The following ARID3A variants were observed in gnomAD, a reference collection of about 807,000 sequenced individuals.
The protein encoded by ARID3A is AT-rich interaction domain 3A.
ARID3A carries 11 observed loss-of-function variants against 52.7 expected under a neutral mutation model. The observed-to-expected ratio is 0.21, with a 90% confidence interval of 0.13 to 0.35. The LOEUF (loss-of-function observed/expected upper bound fraction) is 0.35, where lower values mean the gene tolerates loss of function less well. Among genes scored for constraint, ARID3A ranks in the 10% least tolerant of loss-of-function variants. The pLI, the probability that ARID3A is intolerant of heterozygous loss-of-function variation, is 1.00. For missense variants in ARID3A, 721 were observed against 838.5 expected (o/e 0.86, Z 1.73); for synonymous variants, 404 against 359.4 (o/e 1.12, Z -1.40).
chr19:967,512 T>C (rs1327228193), intron 7 of ARID3A, among the ~76,000 whole-genome samples: 2 of 152,136 alleles, frequency 1.3e-5, no homozygotes, highest in Non-Finnish European at 2.9e-5. Flanking sequence ...TGAGCCATGA[T>C]TGCACCACTG....
At chr19:956,258 G>A (rs533667939) in intron 3 of ARID3A, among the ~76,000 whole-genome samples, 8 of 152,040 alleles carry the variant, frequency 5.3e-5, no homozygotes, top group South Asian at 4.2e-4. Context: ...CCCCCTCTCC[G>A]CCCTGTCCCC....
chr19:932,565 G>A lies in ARID3A; in HGVS notation c.516G>A (p.Leu172=), dbSNP rs1347676833. The change falls in exon 3 of 9, where the codon CTG becomes CTA. Residue 172 remains leucine, a synonymous_variant. Transcript: ENST00000263620. Reference sequence around the variant, plus strand: ...CTGCCAGCTTGGGCACCACGGCACTGTTCCCCCGAAAGGCCCAGCCACCCC... The same window carrying A: ...CTGCCAGCTTGGGCACCACGGCACTATTCCCCCGAAAGGCCCAGCCACCCC... ...PGPASLGTTA[L]FPRKAQPPQA... The A allele has an allele frequency of 6.6e-7, 1 of 1,505,938 alleles. No homozygotes were observed. Among genetic ancestry groups the A allele is most frequent in the East Asian group, 2.5e-5 (1 of 39,342 alleles). 93.3% of individuals were successfully genotyped at this position (1,505,938 alleles called of 1,614,324 possible).
intron 4 of ARID3A, among the ~76,000 whole-genome samples, chr19:962,926 C>T (rs985089339): frequency 2.0e-5 from 3 of 152,184 alleles, no homozygotes; most frequent in African/African-American, 4.8e-5. Flanking sequence ...TGAAACCCGG[C>T]GCGGCTCCTC....
Position 974,017 on chromosome 19 carries a change from G to A in ARID3A, c.*1952G>A, listed in dbSNP as rs939983178. ...ATTAACTCAGCTATTCCCAGGGTAA[G>A]CCTGGGTCTCTAATTGGGCCCTGGG... is the stretch of plus-strand genomic sequence containing the variant. On this transcript the variant is annotated 3_prime_UTR_variant, in exon 9 of 9. Transcript: ENST00000263620. 7.0e-5 allele frequency: 16 copies of A among 228,314 alleles called. No homozygotes were observed. The highest frequency in any genetic ancestry group is 1.2e-4 in the Non-Finnish European group (14 of 115,080). The allele number at this position is 228,314 out of a possible 1,614,324, so 14.1% of individuals were successfully genotyped here.
chr19:932,574 A>G lies in ARID3A; in HGVS notation c.525A>G (p.Arg175=), dbSNP rs746236290. The change falls in exon 3 of 9, where the codon CGA becomes CGG. Residue 175 remains arginine (R), a synonymous_variant. Coordinates refer to ENST00000263620, the MANE Select transcript of ARID3A (RefSeq NM_005224.3). ...TGGGCACCACGGCACTGTTCCCCCGAAAGGCCCAGCCACCCCAGGCCTTCC... is the reference window on the plus strand; with the variant it reads ...TGGGCACCACGGCACTGTTCCCCCGGAAGGCCCAGCCACCCCAGGCCTTCC... ...ASLGTTALFP[R]KAQPPQAFRG... is the part of the protein sequence containing the mutation. The G allele has an allele frequency of 5.3e-4, 794 of 1,503,866 alleles. 3 individuals are homozygous for G. The highest frequency in any genetic ancestry group is 9.6e-4 in the Admixed American group (39 of 40,680). 93.2% of individuals were successfully genotyped at this position (1,503,866 alleles called of 1,614,324 possible). A position where few individuals can be genotyped will look rare whatever the true frequency, so the allele number is the denominator to read the frequency against.
intron 3 of ARID3A, among the ~76,000 whole-genome samples, chr19:946,683 C>T (rs983391431): frequency 2.6e-5 from 4 of 151,974 alleles, no homozygotes; most frequent in Non-Finnish European, 5.9e-5. Flanking sequence ...TCAAGTGATC[C>T]GCCTGCCTCG....
intron 3 of ARID3A, among the ~76,000 whole-genome samples, chr19:937,982 A>G (rs2037471741): frequency 6.6e-6 from 1 of 152,010 alleles, no homozygotes; most frequent in African/African-American, 2.4e-5. Context: ...TGCTGAGATT[A>G]CAGGTGTGAG....
At chr19:927,150 C>G (rs1378479686) in intron 1 of ARID3A, among the ~76,000 whole-genome samples, 1 of 152,128 alleles carries the variant, frequency 6.6e-6, no homozygotes. Context: ...AGGCCCGCGC[C>G]GAGCGGGTGA....
intron 3 of ARID3A, among the ~76,000 whole-genome samples, chr19:933,626 C>CCG (rs1268757495): frequency 6.6e-6 from 1 of 152,056 alleles, no homozygotes; most frequent in Admixed American, 6.6e-5. Flanking sequence ...CTTCCAGAAT[C>CCG]CGCTCTGAGG....
chr19:958,982 C>T (rs145907902), intron 3 of ARID3A, among the ~76,000 whole-genome samples: 1,721 of 152,334 alleles, frequency 0.011, 15 homozygotes, highest in South Asian at 0.024. Flanking sequence ...CCACTGCCTA[C>T]GGGACCCAGG....
intron 8 of ARID3A, among the ~76,000 whole-genome samples, chr19:969,544 C>G (rs145391663): frequency 6.6e-6 from 1 of 151,102 alleles, no homozygotes; most frequent in African/African-American, 2.4e-5. Context: ...CCTTCTCTCT[C>G]TCTATATATC....
At chr19:934,896 C>G (rs898335518) in intron 3 of ARID3A, among the ~76,000 whole-genome samples, 1 of 152,212 alleles carries the variant, frequency 6.6e-6, no homozygotes, top group Non-Finnish European at 1.5e-5. Flanking sequence ...GCCTGAGCCA[C>G]GGTGCCCAGC....
intron 3 of ARID3A, among the ~76,000 whole-genome samples, chr19:954,616 G>A (rs1011770509): frequency 1.3e-5 from 2 of 152,218 alleles, no homozygotes; most frequent in Admixed American, 1.3e-4. Flanking sequence ...GGGGTCCAAG[G>A]GGGGCCGTGA....
At position 964,149 on chromosome 19, in the gene ARID3A, C is replaced by T. The variant is rs2038098508; in HGVS notation, c.767-99C>T. On this transcript the variant is annotated intron_variant, in intron 4 of 8. Coordinates refer to ENST00000263620, the MANE Select transcript of ARID3A (RefSeq NM_005224.3). This position sits in a 1 kb window ranked among gnomAD's most constrained non-coding sequence, Gnocchi z 5.7. ...ACATCTGTGGTTGTCACAGCCTGGG[C>T]GGGGGAGTGCTCCTGGCATGGAGAG... 6.2e-6 allele frequency: 6 copies of T among 968,788 alleles called. No individual in the cohort carries two copies. The South Asian group carries it at 6.3e-5, about 10-fold the overall frequency. 60.0% of individuals were successfully genotyped at this position (968,788 alleles called of 1,614,324 possible). A position where few individuals can be genotyped will look rare whatever the true frequency, so the allele number is the denominator to read the frequency against.
rs114634977 is a variant in ARID3A at position 964,589 on chromosome 19, A to T, written c.950+158A>T. ...GGCCACACCGTGCGTCCAGGGCCCG[A>T]GAGCGTCAAGTAGGGGTGCGAGGAC... On this transcript the variant is annotated intron_variant, in intron 5 of 8. Transcript: ENST00000263620. This position sits in a 1 kb window ranked among gnomAD's most constrained non-coding sequence, Gnocchi z 5.7. Among the ~76,000 whole-genome samples, 3,709 of 152,248 alleles carry T rather than the reference A, an allele frequency of 0.024. 154 individuals carry two copies. The highest frequency in any genetic ancestry group is 0.084 in the African/African-American group (3,501 of 41,538).
In ARID3A at chr19:938,907, CAT is replaced by C. The variant is rs1415301525; in HGVS notation, c.693+6167_693+6168del. Among the ~76,000 whole-genome samples, 13 of 149,790 alleles carry C rather than the reference CAT, an allele frequency of 8.7e-5. No individual in the cohort carries two copies. Among genetic ancestry groups the C allele is most frequent in the Admixed American group, 1.3e-4 (2 of 15,030 alleles). On this transcript the variant is annotated intron_variant, in intron 3 of 8. Coordinates refer to ENST00000263620, the MANE Select transcript of ARID3A (RefSeq NM_005224.3). The surrounding 1 kb of genome is among the most constrained non-coding windows in gnomAD (Gnocchi z 4.0). ...GTTTTTTTTAATTGTGGAAAATACA[CAT>C]AGATACATTATTTTATCTCTCTTTT...
chr19:925,982 G>C (rs1300875169), upstream of ARID3A: 1 of 151,476 alleles, frequency 6.6e-6, no homozygotes, highest in East Asian at 1.9e-4. Flanking sequence ...GGAGGGGCGG[G>C]GCGGGGGCCG....
intron 1 of ARID3A, among the ~76,000 whole-genome samples, chr19:927,547 C>T (rs996565868): frequency 2.0e-5 from 3 of 151,878 alleles, no homozygotes; most frequent in African/African-American, 4.8e-5. Flanking sequence ...TGGCCTCTTC[C>T]TTCTGTGCCC....
rs756824343 is a variant in ARID3A at position 929,791 on chromosome 19, C to CGGA, written c.273_275dup (p.Glu91dup). The CGGA allele has an allele frequency of 1.0e-5, 16 of 1,549,216 alleles. No homozygotes were observed. Among genetic ancestry groups the CGGA allele is most frequent in the South Asian group, 2.4e-5 (2 of 84,556 alleles). On this transcript the variant is annotated inframe_insertion, in exon 2 of 9. Transcript: ENST00000263620. The surrounding 1 kb of genome is among the most constrained non-coding windows in gnomAD (Gnocchi z 6.2). The stretch of plus-strand genomic sequence containing the variant: ...GGCTCTGAGGATGGGCCCCCAGGCT[C>CGGA]GGAGGAGGAGGACGCGGCCCGGGAG...
Sources: gnomAD v4.1 joint callset for allele counts (sites outside exome capture counted in the v4.1 genomes callset) on GRCh38, gnomAD v4.1.1 for gene constraint, Gnocchi (gnomAD v3.1) non-coding constraint, MANE v1.5 for transcripts, NCBI Gene and HGNC (gene_info 2026-07-23, HGNC 2026-07-21) for gene names.